The following C16orf74 variants were observed in gnomAD, a reference collection of about 807,000 sequenced individuals.
C16orf74 encodes the protein calcimembrin.
In C16orf74, 10 loss-of-function variants were observed where a neutral mutation model predicts 6.5. The observed-to-expected ratio is 1.54, with a 90% CI of 0.95 to 2.61. C16orf74 has a LOEUF of 2.61. Ranked by LOEUF, C16orf74 falls within the 30% of genes most tolerant of loss-of-function variation. C16orf74 has a pLI of 0.00. For synonymous variants in C16orf74, 60 were observed against 42.5 expected (o/e 1.41, Z -1.60); for missense variants, 141 against 105.9 (o/e 1.33, Z -1.45).
chr16:85,724,224 G>A (rs978852631), intron 2 of C16orf74, among the ~76,000 whole-genome samples: 1 of 152,140 alleles, frequency 6.6e-6, no homozygotes, highest in East Asian at 1.9e-4. Context: ...GCAACACAAA[G>A]CCAGGGAGAC....
chr16:85,748,156 A>ATGTG (rs2054395335), intron 1 of C16orf74, among the ~76,000 whole-genome samples: 1 of 66,492 alleles, frequency 1.5e-5, no homozygotes, highest in African/African-American at 3.3e-5. Context: ...GTATATATAT[A>ATGTG]TATGTGTATA....
chr16:85,721,775 C>T (rs1418630911), intron 2 of C16orf74, among the ~76,000 whole-genome samples: 1 of 152,148 alleles, frequency 6.6e-6, no homozygotes, highest in Non-Finnish European at 1.5e-5. Context: ...TCCTCTGTCC[C>T]CATGTGGTCC....
At chr16:85,748,064 T>C in intron 1 of C16orf74, among the ~76,000 whole-genome samples, 1 of 68,262 alleles carries the variant, frequency 1.5e-5, no homozygotes, top group South Asian at 3.4e-4. Flanking sequence ...CCAGCCTGGG[T>C]GACAGAGCGA....
chr16:85,750,683 C>T (rs1275471705), intron 1 of C16orf74, among the ~76,000 whole-genome samples: 1 of 152,160 alleles, frequency 6.6e-6, no homozygotes, highest in East Asian at 1.9e-4. Context: ...CCCCCACCGC[C>T]GTGCAAGTTG....
chr16:85,729,997 G>C (rs1017918615), intron 2 of C16orf74, among the ~76,000 whole-genome samples: 1 of 152,210 alleles, frequency 6.6e-6, no homozygotes, highest in Admixed American at 6.5e-5. Context: ...GCAGTGGGCA[G>C]ATCCCATCCC....
At chr16:85,748,028 G>C (rs1217617660) in intron 1 of C16orf74, among the ~76,000 whole-genome samples, 5 of 151,968 alleles carry the variant, frequency 3.3e-5, no homozygotes, top group Non-Finnish European at 5.9e-5. Flanking sequence ...AGAGGTTGCA[G>C]TGAGCTGGTA....
intron 1 of C16orf74, among the ~76,000 whole-genome samples, chr16:85,737,818 C>T (rs567902994): frequency 7.2e-5 from 11 of 152,176 alleles, no homozygotes; most frequent in African/African-American, 2.6e-4. Context: ...GCAATAAGAG[C>T]GAAACTCCAT....
At chr16:85,709,278 A>G (rs1408323177) in intron 3 of C16orf74, among the ~76,000 whole-genome samples, 3 of 152,124 alleles carry the variant, frequency 2.0e-5, no homozygotes, top group African/African-American at 7.2e-5. Flanking sequence ...CACTTGAATG[A>G]AGGAGGTGGA....
Position 85,725,065 on chromosome 16 carries a change from T to TG in C16orf74, c.28+10124dup, listed in dbSNP as rs34014028. ...GTTTAGCTTAAGCATGGGTGACTGA[T>TG]GGGGGGGGGACCGGCTAAGTCCCTG... On this transcript the variant is annotated intron_variant, in intron 2 of 3. Coordinates refer to ENST00000284245, the MANE Select transcript of C16orf74 (RefSeq NM_206967.3). Among the ~76,000 whole-genome samples the TG allele has an allele frequency of 3.4e-3, 516 of 151,070 alleles. 4 individuals are homozygous for TG. The highest frequency in any genetic ancestry group is 0.01 in the African/African-American group (420 of 41,198).
intron 1 of C16orf74, among the ~76,000 whole-genome samples, chr16:85,740,211 C>CGAA (rs2054288711): frequency 1.7e-5 from 1 of 60,252 alleles, no homozygotes; most frequent in Non-Finnish European, 3.0e-5. Context: ...GACTTTGTCT[C>CGAA]AAAAAAAAAA....
At chr16:85,726,970 C>T (rs76588630) in intron 2 of C16orf74, among the ~76,000 whole-genome samples, 3,308 of 152,242 alleles carry the variant, frequency 0.022, 104 homozygotes, top group African/African-American at 0.076. Flanking sequence ...GTGATGCCAC[C>T]CCTAGCCACC....
intron 3 of C16orf74, among the ~76,000 whole-genome samples, chr16:85,708,968 G>A (rs1415203711): frequency 6.6e-6 from 1 of 152,260 alleles, no homozygotes; most frequent in Non-Finnish European, 1.5e-5. Context: ...GGGCCACGGG[G>A]TGAAGTGCAG....
chr16:85,745,651 G>C (rs1256300287), intron 1 of C16orf74, among the ~76,000 whole-genome samples: 1 of 149,990 alleles, frequency 6.7e-6, no homozygotes, highest in East Asian at 2.0e-4. Context: ...TGGCTGGAGG[G>C]ACCCTGCTTT....
intron 2 of C16orf74, among the ~76,000 whole-genome samples, chr16:85,724,610 G>A (rs144221997): frequency 2.0e-5 from 3 of 152,126 alleles, no homozygotes; most frequent in African/African-American, 7.2e-5. Flanking sequence ...CTTTGGGAGC[G>A]CTGAGCTCCC....
chr16:85,742,218 CA>C (rs1304677287), intron 1 of C16orf74, among the ~76,000 whole-genome samples: 1 of 152,122 alleles, frequency 6.6e-6, no homozygotes, highest in East Asian at 1.9e-4. Context: ...ACTAAAAGTA[CA>C]AAAATTAGCT....
At chr16:85,712,412 G>A (rs1420593531) in intron 2 of C16orf74, among the ~76,000 whole-genome samples, 1 of 152,250 alleles carries the variant, frequency 6.6e-6, no homozygotes, top group Non-Finnish European at 1.5e-5. Context: ...CCCTGACCCA[G>A]TAGGAAGGGA....
At chr16:85,744,844 A>AAAAC (rs2054354278) in intron 1 of C16orf74, among the ~76,000 whole-genome samples, 2 of 139,134 alleles carry the variant, frequency 1.4e-5, no homozygotes, top group African/African-American at 2.7e-5. Context: ...AAAAAAAAAA[A>AAAAC]AAAAAACTCT....
intron 1 of C16orf74, among the ~76,000 whole-genome samples, chr16:85,748,546 C>G (rs60319416): frequency 6.6e-6 from 1 of 151,120 alleles, no homozygotes; most frequent in African/African-American, 2.4e-5. Context: ...TGCAGTGAGC[C>G]GAGATCACGC....
intron 2 of C16orf74, among the ~76,000 whole-genome samples, chr16:85,717,573 C>T (rs748391544): frequency 5.9e-5 from 9 of 152,252 alleles, no homozygotes; most frequent in Non-Finnish European, 8.8e-5. Flanking sequence ...GCCAGCTGGC[C>T]GGGGCCTAGG....
Sources: gnomAD v4.1 joint callset for allele counts (sites outside exome capture counted in the v4.1 genomes callset) on GRCh38, gnomAD v4.1.1 for gene constraint, MANE v1.5 for transcripts, NCBI Gene and HGNC (gene_info 2026-07-23, HGNC 2026-07-21) for gene names.